VWA3B: variants seen among roughly 807,000 people sequenced by gnomAD.
The protein encoded by VWA3B is von Willebrand factor A domain-containing protein 3B.
Under a neutral mutation model 158.3 loss-of-function variants are expected in VWA3B, and 138 were observed. That is an observed-to-expected ratio of 0.87 (90% CI 0.76 to 1.00). The LOEUF is 1.00. Ranked by LOEUF, VWA3B falls within the 50% of genes least tolerant of loss-of-function variation. The pLI is 0.00. For missense variants in VWA3B, 1,555 were observed against 1,565.1 expected (o/e 0.99, Z 0.11); for synonymous variants, 596 against 587.3 (o/e 1.01, Z -0.21).
intron 12 of VWA3B, among the ~76,000 whole-genome samples, chr2:98,204,518 AT>A (rs1299579655): frequency 2.0e-5 from 3 of 152,050 alleles, no homozygotes; most frequent in Non-Finnish European, 2.9e-5. Flanking sequence ...TGCTCATATG[AT>A]TTTTTTTCCA....
chr2:98,241,998 G>A (rs1319582942), intron 19 of VWA3B, among the ~76,000 whole-genome samples: 1 of 152,102 alleles, frequency 6.6e-6, no homozygotes, highest in African/African-American at 2.4e-5. Context: ...CCCACCTCAT[G>A]GGATGTATAC....
At position 98,312,334 on chromosome 2, in the gene VWA3B, C is replaced by G. The variant is rs1389339557; in HGVS notation, c.3870C>G (p.Val1290=). The G allele has an allele frequency of 6.2e-7, 1 of 1,612,100 alleles. No individual in the cohort carries two copies. The highest frequency in any genetic ancestry group is 1.3e-5 in the African/African-American group (1 of 74,898). ...ACAGCAGCAAAGGGCTGAGGAGCGT[C>G]CCTGAGACACTTTAAGGCCGTCTGG... The part of the protein sequence containing the change: ...ATHSSKGLRS[V]PETL The change falls in exon 28 of 28, where the codon GTC becomes GTG. Residue 1290 remains valine (V), a synonymous_variant. Transcript: ENST00000477737.
At chr2:98,306,428 G>A (rs191960300) in intron 26 of VWA3B, among the ~76,000 whole-genome samples, 286 of 152,170 alleles carry the variant, frequency 1.9e-3, no homozygotes, top group Non-Finnish European at 3.4e-3. Flanking sequence ...TGCTCCTCAA[G>A]GGGTGTGCGG....
intron 7 of VWA3B, among the ~76,000 whole-genome samples, chr2:98,161,571 T>A (rs150278400): frequency 4.7e-4 from 72 of 152,274 alleles, no homozygotes; most frequent in African/African-American, 1.6e-3. Flanking sequence ...AGTGTGGATC[T>A]GTTTTCAAGA....
chr2:98,283,994 TCAGGAATAAG>T (rs1689028480), intron 22 of VWA3B, among the ~76,000 whole-genome samples: 1 of 152,172 alleles, frequency 6.6e-6, no homozygotes, highest in African/African-American at 2.4e-5. Flanking sequence ...GGGTGAAAGC[TCAGGAATAAG>T]CAGGTGACAT....
intron 19 of VWA3B, among the ~76,000 whole-genome samples, chr2:98,242,610 C>T (rs888229550): frequency 1.3e-5 from 2 of 150,894 alleles, no homozygotes; most frequent in African/African-American, 2.5e-5. Flanking sequence ...CGTCCTTCTC[C>T]GGGTTCTGCA....
At chr2:98,111,311 A>G (rs368393235) in intron 2 of VWA3B, among the ~76,000 whole-genome samples, 1 of 152,224 alleles carries the variant, frequency 6.6e-6, no homozygotes, top group Non-Finnish European at 1.5e-5. Context: ...TCCATAGTCT[A>G]TACACACCAT....
intron 26 of VWA3B, among the ~76,000 whole-genome samples, chr2:98,308,936 C>T (rs1286006428): frequency 6.6e-6 from 1 of 152,108 alleles, no homozygotes; most frequent in Non-Finnish European, 1.5e-5. Flanking sequence ...CTTTGGGAGG[C>T]CGAGATGGGC....
chr2:98,246,708 A>G (rs1295188109), intron 19 of VWA3B, among the ~76,000 whole-genome samples: 1 of 152,064 alleles, frequency 6.6e-6, no homozygotes, highest in East Asian at 1.9e-4. Context: ...ATACAAAAGC[A>G]CTAAAACATC....
chr2:98,185,059 C>T (rs78042125), intron 9 of VWA3B, among the ~76,000 whole-genome samples: 1 of 152,220 alleles, frequency 6.6e-6, no homozygotes, highest in Admixed American at 6.5e-5. Flanking sequence ...CCAGTGACTT[C>T]CTCCCCAACT....
intron 5 of VWA3B, among the ~76,000 whole-genome samples, chr2:98,122,292 G>A (rs1300879331): frequency 6.6e-6 from 1 of 152,146 alleles, no homozygotes; most frequent in Non-Finnish European, 1.5e-5. Context: ...ACAATTATGT[G>A]CTTCCTCCAC....
rs116433774 is a variant in VWA3B, at chr2:98,296,791, T to C, written c.3158-1116T>C. On this transcript the variant is annotated intron_variant, in intron 23 of 27. Coordinates refer to ENST00000477737, the MANE Select transcript of VWA3B (RefSeq NM_144992.5). Reference sequence around the variant, plus strand: ...TTAGAATCCCTTTTTAATGGGAGGATAAATTTCAAGTCGGATAAATTACAA... The same window carrying C: ...TTAGAATCCCTTTTTAATGGGAGGACAAATTTCAAGTCGGATAAATTACAA... Among the ~76,000 whole-genome samples the C allele has an allele frequency of 3.5e-3, 531 of 152,296 alleles. 3 individuals carry two copies. Among genetic ancestry groups the C allele is most frequent in the Non-Finnish European group, 5.1e-3 (349 of 68,024 alleles).
intron 7 of VWA3B, among the ~76,000 whole-genome samples, chr2:98,141,255 C>T (rs189421481): frequency 4.3e-4 from 65 of 152,228 alleles, no homozygotes; most frequent in African/African-American, 1.3e-3. Flanking sequence ...TTTTGCACTG[C>T]GATAAAGGAA....
intron 13 of VWA3B, among the ~76,000 whole-genome samples, chr2:98,212,337 T>C (rs1018462744): frequency 2.0e-5 from 3 of 152,220 alleles, no homozygotes; most frequent in African/African-American, 4.8e-5. Context: ...TTATTACAAA[T>C]GAAAAGTGAG....
intron 25 of VWA3B, 82 bp downstream of exon 25, chr2:98,300,298 A>G (rs1690097999): frequency 3.8e-6 from 6 of 1,579,906 alleles, no homozygotes; most frequent in Non-Finnish European, 5.2e-6. Context: ...TTCTTGATGA[A>G]TGGTTTCCCT....
chr2:98,224,048 C>T (rs1684722593), intron 14 of VWA3B, among the ~76,000 whole-genome samples: 1 of 152,046 alleles, frequency 6.6e-6, no homozygotes, highest in African/African-American at 2.4e-5. Flanking sequence ...AACTATCCTT[C>T]AAGGATGAAG....
In VWA3B at chr2:98,121,308, A is replaced by T. The variant is rs781308972; in HGVS notation, c.552A>T (p.Gln184His). Reference sequence around the variant, plus strand: ...ATGTGATCCTTTTCAGGGTTTCTCAAGAGCCTGTGAAGTGGCAGGAAAATG... The same window carrying T: ...ATGTGATCCTTTTCAGGGTTTCTCATGAGCCTGTGAAGTGGCAGGAAAATG... ...ITEFNIIRVS[Q>H]EPVKWQENAT... is the part of the protein sequence containing the mutation. The change falls in exon 5 of 28, where the codon CAA (glutamine) becomes CAT (histidine). Residue 184 changes from glutamine to histidine, a missense_variant. By Grantham distance (24) the Gln-to-His change is conservative. Transcript: ENST00000477737. 1.4e-5 allele frequency: 23 copies of T among 1,613,258 alleles called. No homozygotes were observed. In the South Asian group the frequency reaches 2.3e-4, roughly 16 times the overall value.
chr2:98,317,142 A>G (rs1288827975), downstream of VWA3B, among the ~76,000 whole-genome samples: 1 of 152,104 alleles, frequency 6.6e-6, no homozygotes, highest in Non-Finnish European at 1.5e-5. Context: ...GCTTTGAAAC[A>G]CTCTTGAAAG....
chr2:98,171,257 G>T (rs1165597285), intron 8 of VWA3B, among the ~76,000 whole-genome samples: 1 of 152,164 alleles, frequency 6.6e-6, no homozygotes, highest in East Asian at 1.9e-4. Context: ...CTCTTGCTCC[G>T]TGAAGGTAGA....
Sources: gnomAD v4.1 joint callset for allele counts (sites outside exome capture counted in the v4.1 genomes callset) on GRCh38, gnomAD v4.1.1 for gene constraint, MANE v1.5 for transcripts, NCBI Gene and HGNC (gene_info 2026-07-23, HGNC 2026-07-21) for gene names.